The following STAU2 variants were observed in gnomAD, a reference collection of about 807,000 sequenced individuals.
STAU2 encodes double-stranded RNA-binding protein Staufen homolog 2.
STAU2 carries 20 observed loss-of-function variants against 65.9 expected under a neutral mutation model. That is an observed-to-expected ratio of 0.30 (90% CI 0.21 to 0.44). The LOEUF is 0.44. Ranked by LOEUF, STAU2 falls within the 20% of genes least tolerant of loss-of-function variation. The pLI, the probability that STAU2 is intolerant of heterozygous loss-of-function variation, is 1.00. For missense variants in STAU2, 558 were observed against 683.9 expected (o/e 0.82, Z 2.05); for synonymous variants, 232 against 233.9 (o/e 0.99, Z 0.07).
intron 13 of STAU2, among the ~76,000 whole-genome samples, chr8:73,513,924 A>C (rs1057219244): frequency 1.3e-5 from 2 of 152,190 alleles, no homozygotes; most frequent in African/African-American, 4.8e-5. Flanking sequence ...GCAGGCAGAA[A>C]CACCACAAAA....
intron 13 of STAU2, chr8:73,551,085 A>C: frequency 1.0e-6 from 1 of 987,428 alleles, no homozygotes; most frequent in Non-Finnish European, 1.2e-6. Flanking sequence ...CTCTACACAC[A>C]AGCAAACTAG....
intron 6 of STAU2, among the ~76,000 whole-genome samples, chr8:73,668,005 AC>A (rs1336074638): frequency 1.3e-5 from 2 of 152,174 alleles, no homozygotes; most frequent in African/African-American, 4.8e-5. Flanking sequence ...GATGGGGCTA[AC>A]CTGTTTCTCC....
chr8:73,554,892 G>A (rs1288558182), intron 12 of STAU2, among the ~76,000 whole-genome samples: 1 of 152,144 alleles, frequency 6.6e-6, no homozygotes, highest in Non-Finnish European at 1.5e-5. Context: ...CCATGCTCCA[G>A]TTACACAGAT....
chr8:73,551,288 T>C, intron 13 of STAU2: 1 of 987,528 alleles, frequency 1.0e-6, no homozygotes, highest in Non-Finnish European at 1.2e-6. Context: ...AAAAAAAGTT[T>C]CCATCCCTAA....
intron 3 of STAU2, among the ~76,000 whole-genome samples, chr8:73,710,543 G>A (rs980404117): frequency 3.3e-5 from 5 of 151,868 alleles, no homozygotes; most frequent in African/African-American, 4.8e-5. Flanking sequence ...AATCTATCCC[G>A]CTTAAGTCCC....
intron 13 of STAU2, chr8:73,527,785 T>C: frequency 2.0e-6 from 3 of 1,536,682 alleles, no homozygotes; most frequent in Non-Finnish European, 1.7e-6. Context: ...TTTGCCACTT[T>C]GTCTATCACA....
intron 13 of STAU2, among the ~76,000 whole-genome samples, chr8:73,481,509 AAAAAAAC>A (rs1820620144): frequency 3.5e-5 from 2 of 57,166 alleles, no homozygotes; most frequent in East Asian, 1.7e-3. Flanking sequence ...CCAAAAAAAC[AAAAAAAC>A]AAAAAAAAAA....
chr8:73,587,737 C>T lies in STAU2; in HGVS notation c.1162-4907G>A, dbSNP rs573143702. On this transcript the variant is annotated intron_variant, in intron 11 of 14. Coordinates refer to ENST00000524300, the MANE Select transcript of STAU2 (RefSeq NM_001164380.2). The stretch of plus-strand genomic sequence containing the variant: ...ATGAGAAACCAAGAGATAGCACAAA[C>T]TACCCATAGTGGTAAGTAATAAAAT... Among the ~76,000 whole-genome samples, 4 of 152,286 alleles carry T rather than the reference C, an allele frequency of 2.6e-5. No homozygotes were observed. The East Asian group carries it at 5.8e-4, about 22-fold the overall frequency.
intron 8 of STAU2, among the ~76,000 whole-genome samples, chr8:73,614,814 C>A (rs564095563): frequency 6.6e-6 from 1 of 152,136 alleles, no homozygotes; most frequent in Non-Finnish European, 1.5e-5. Context: ...CCAAATTTTC[C>A]GTATCATTTC....
chr8:73,610,708 C>T (rs1284041287), intron 9 of STAU2, among the ~76,000 whole-genome samples: 1 of 152,178 alleles, frequency 6.6e-6, no homozygotes, highest in African/African-American at 2.4e-5. Context: ...GTGTCCAGAA[C>T]ATTTGATCTC....
chr8:73,721,268 C>T (rs1338986168), intron 3 of STAU2, among the ~76,000 whole-genome samples: 1 of 31,284 alleles, frequency 3.2e-5, no homozygotes, highest in Non-Finnish European at 5.5e-5. Context: ...ACAGCGTGAA[C>T]AAAGCAAAAC....
chr8:73,664,896 G>A (rs1185597978), intron 6 of STAU2, among the ~76,000 whole-genome samples: 1 of 152,114 alleles, frequency 6.6e-6, no homozygotes, highest in Non-Finnish European at 1.5e-5. Context: ...GGAAATTGAG[G>A]CATGAGAATC....
intron 6 of STAU2, among the ~76,000 whole-genome samples, chr8:73,649,121 T>C (rs1235465315): frequency 6.6e-6 from 1 of 152,206 alleles, no homozygotes. Context: ...GAAGCTAATA[T>C]GTAGTTTCTA....
At chr8:73,622,531 T>C (rs1463216879) in intron 6 of STAU2, among the ~76,000 whole-genome samples, 3 of 152,180 alleles carry the variant, frequency 2.0e-5, no homozygotes, top group Non-Finnish European at 2.9e-5. Context: ...AAAGAGTTGC[T>C]GGGAACCAAA....
At chr8:73,724,999 G>A (rs991267013) in intron 3 of STAU2, among the ~76,000 whole-genome samples, 1 of 152,042 alleles carries the variant, frequency 6.6e-6, no homozygotes, top group Non-Finnish European at 1.5e-5. Context: ...TTATGTGTAT[G>A]AAATACATTT....
chr8:73,634,620 C>G (rs529924109), intron 6 of STAU2, among the ~76,000 whole-genome samples: 3 of 152,342 alleles, frequency 2.0e-5, no homozygotes, highest in South Asian at 2.1e-4. Context: ...TTACATAAAT[C>G]AGGCTCCCAG....
At chr8:73,466,005 A>G (rs895717862) in intron 13 of STAU2, among the ~76,000 whole-genome samples, 3 of 152,172 alleles carry the variant, frequency 2.0e-5, no homozygotes, top group Non-Finnish European at 4.4e-5. Context: ...TAGTAGAGAC[A>G]GGGTTTCGCC....
chr8:73,429,413 CTTTTTTTTTTTT>C lies in STAU2; in HGVS notation c.1531-6723_1531-6712del, dbSNP rs71561522. Among the ~76,000 whole-genome samples the C allele has an allele frequency of 5.5e-4, 36 of 65,368 alleles. No individual in the cohort carries two copies. In the East Asian group the frequency reaches 9.7e-3, roughly 18 times the overall value. 42.9% of individuals were successfully genotyped at this position (65,368 alleles called of 152,430 possible). On this transcript the variant is annotated intron_variant, in intron 13 of 14. Coordinates refer to ENST00000524300, the MANE Select transcript of STAU2 (RefSeq NM_001164380.2). Reference sequence around the variant, plus strand: ...AACCAATCTATATTCTTGCTCAGGTCTTTTTTTTTTTTTTTTTTTTTTTTTTTTTTTTTTTTT... The same window carrying C: ...AACCAATCTATATTCTTGCTCAGGTCTTTTTTTTTTTTTTTTTTTTTTTTT...
intron 13 of STAU2, among the ~76,000 whole-genome samples, chr8:73,478,418 T>C (rs1382011299): frequency 1.3e-5 from 2 of 151,854 alleles, no homozygotes; most frequent in African/African-American, 2.4e-5. Flanking sequence ...ATGTGGCCCA[T>C]GGGCAGCAGG....
Sources: allele counts gnomAD v4.1 joint callset (sites outside exome capture counted in the v4.1 genomes callset), GRCh38; gene constraint gnomAD v4.1.1; transcripts MANE v1.5; gene names NCBI Gene and HGNC (gene_info 2026-07-23, HGNC 2026-07-21).